The following GZMH variants were observed in gnomAD, a reference collection of about 807,000 sequenced individuals.
GZMH encodes the protein cathepsin G-like 2, protein h-CCPX.
In GZMH, 24 loss-of-function variants were observed where a neutral mutation model predicts 20.7. That is an observed-to-expected ratio of 1.16 (90% CI 0.84 to 1.63). The LOEUF is 1.63. Ranked by LOEUF, GZMH falls within the 40% of genes most tolerant of loss-of-function variation. The probability of loss-of-function intolerance (pLI) is 0.00; values close to 1 mark genes in which losing one functional copy is unlikely to be tolerated. For missense variants in GZMH, 344 were observed against 302.7 expected (o/e 1.14, Z -1.01); for synonymous variants, 119 against 116.1 (o/e 1.02, Z -0.16).
chr14:24,606,637 A>T lies in GZMH; in HGVS notation c.707T>A (p.Leu236Gln). 1.2e-6 allele frequency: 2 copies of T among 1,614,132 alleles called. No individual in the cohort carries two copies. The highest frequency in any genetic ancestry group is 4.5e-5 in the East Asian group (2 of 44,870). The change falls in exon 5 of 5, where the codon CTG (leucine) becomes CAG (glutamine). Residue 236 changes from leucine (L) to glutamine (Q), a missense_variant. By Grantham distance (113) the Leu-to-Gln change is moderately radical. Coordinates refer to ENST00000216338, the MANE Select transcript of GZMH (RefSeq NM_033423.5). The stretch of plus-strand genomic sequence containing the variant: ...CTTCATTGTTCTCTTTATCCAGGGC[A>T]GGAAGTGTGAGACCTTGATGTAGAC... ...PGVYIKVSHF[L>Q]PWIKRTMKRL
Position 24,607,724 on chromosome 14 carries a change from G to T in GZMH, c.227C>A (p.Ala76Asp), listed in dbSNP as rs545036730. Residue 76 changes from alanine to aspartate, a missense_variant, in exon 3 of 5, where the codon GCC becomes GAC. Coordinates refer to ENST00000216338, the MANE Select transcript of GZMH (RefSeq NM_033423.5). Reference sequence around the variant, plus strand: ...CCGCTCCTGTTCCTTGATATTGTGGGCCCCCAAGGTGACATTTATGGAGCT... The same window carrying T: ...CCGCTCCTGTTCCTTGATATTGTGGTCCCCCAAGGTGACATTTATGGAGCT... The part of the protein sequence containing the change: ...QGSSINVTLG[A>D]HNIKEQERTQ... 9.9e-6 allele frequency: 16 copies of T among 1,613,904 alleles called. No individual in the cohort carries two copies. The highest frequency in any genetic ancestry group is 1.4e-5 in the Non-Finnish European group (16 of 1,179,942).
intron 4 of GZMH, 30 bp downstream of exon 4, chr14:24,607,119 G>A (rs200088850): frequency 7.5e-5 from 119 of 1,596,814 alleles, no homozygotes; most frequent in Non-Finnish European, 9.4e-5. Flanking sequence ...TCTCCCTGTG[G>A]TCTTTCTGGG....
rs537798474 is a variant in GZMH, at chr14:24,607,351, C to T, written c.395G>A (p.Ser132Asn). Residue 132 changes from serine (S) to asparagine (N), a missense_variant, in exon 4 of 5, where the codon AGC (serine) becomes AAC (asparagine). Transcript: ENST00000216338. Reference protein sequence around the residue: ...TAVRPLRLPSSKAQVKPGQLC... With the variant: ...TAVRPLRLPSNKAQVKPGQLC... ...CTGCCCTGGCTTCACCTGGGCCTTG[C>T]TGCTAGGTAGCCTGAGAGGCCGCAC... 6.3e-5 allele frequency: 102 copies of T among 1,610,746 alleles called. 1 individual carries two copies. In the South Asian group the frequency reaches 9.5e-4, roughly 15 times the overall value.
In GZMH at chr14:24,606,733, C is replaced by G. The variant is rs767704633; in HGVS notation, c.611G>C (p.Gly204Ala). 1 of 1,613,386 alleles carries G rather than the reference C, an allele frequency of 6.2e-7. No homozygotes were observed. Among genetic ancestry groups the G allele is most frequent in the South Asian group, 1.1e-5 (1 of 91,034 alleles). The change falls in exon 5 of 5, where the codon GGG becomes GCG. Residue 204 changes from glycine (G) to alanine (A), a missense_variant. Physicochemically the swap from Gly to Ala is moderately conservative, Grantham distance 60. Transcript: ENST00000216338. ...TQTGFKGDSGGPLVCKDVAQG... is the reference protein window; with the variant it reads ...TQTGFKGDSGAPLVCKDVAQG... ...GGCTACGTCCTTACACACGAGGGGC[C>G]CCCCGGAGTCCCCCTGTGAACAGAG...
intron 2 of GZMH, among the ~76,000 whole-genome samples, chr14:24,608,049 G>A (rs546392611): frequency 3.3e-5 from 5 of 152,262 alleles, no homozygotes; most frequent in South Asian, 4.2e-4. Flanking sequence ...GTGAAACCAT[G>A]CCACTTGCTC....
chr14:24,607,988 G>A (rs1014628844), intron 2 of GZMH, among the ~76,000 whole-genome samples: 6 of 152,188 alleles, frequency 3.9e-5, no homozygotes, highest in African/African-American at 1.2e-4. Context: ...TTTGCATTTT[G>A]ATCCTTAATG....
At position 24,606,696 on chromosome 14, in the gene GZMH, G is replaced by C; in HGVS notation, c.648C>G (p.Leu216=). ...GTGTCCCTTTTTTGTTTCCATAGGA[G>C]AGAATACCTTGGGCTACGTCCTTAC... ...LVCKDVAQGI[L]SYGNKKGTPP... Residue 216 remains leucine, a synonymous_variant, in exon 5 of 5, where the codon CTC becomes CTG. Coordinates refer to ENST00000216338, the MANE Select transcript of GZMH (RefSeq NM_033423.5). The C allele has an allele frequency of 1.2e-6, 2 of 1,613,738 alleles. No homozygotes were observed.
chr14:24,606,784 C>T (rs373318898), intron 4 of GZMH, 38 bp from the exon 5 acceptor site: 4 of 1,594,302 alleles, frequency 2.5e-6, no homozygotes, highest in Non-Finnish European at 3.4e-6. Context: ...CTAGTGTTCC[C>T]TGGGATGGGT....
Position 24,606,580 on chromosome 14 carries a change from G to A in GZMH, c.*23C>T. 7.5e-6 allele frequency: 12 copies of A among 1,607,096 alleles called. No individual in the cohort carries two copies. The highest frequency in any genetic ancestry group is 1.0e-5 in the Non-Finnish European group (12 of 1,177,298). ...GTCCCAGAGATGGTCAGGCCCAGAG[G>A]AAGGTTAGTCTCATGCCTGCTGTTA... is the stretch of plus-strand genomic sequence containing the variant. On this transcript the variant is annotated 3_prime_UTR_variant, in exon 5 of 5. Coordinates refer to ENST00000216338, the MANE Select transcript of GZMH (RefSeq NM_033423.5).
At position 24,607,144 on chromosome 14, in the gene GZMH, C is replaced by A; in HGVS notation, c.597+5G>T. ...GTCTTTCTGGGTAGAGGCTGGAAAC[C>A]CAACCTTGAAACCGGTCTGTGTCTT... On this transcript the variant is annotated splice_donor_5th_base_variant and intron_variant, in intron 4 of 4. Coordinates refer to ENST00000216338, the MANE Select transcript of GZMH (RefSeq NM_033423.5). 1 of 1,608,950 alleles carries A rather than the reference C, an allele frequency of 6.2e-7. No individual in the cohort carries two copies. The highest frequency in any genetic ancestry group is 8.5e-7 in the Non-Finnish European group (1 of 1,176,366).
chr14:24,607,349 T>A lies in GZMH; in HGVS notation c.397A>T (p.Lys133Ter), dbSNP rs144759599. The change falls in exon 4 of 5, where the codon AAG (lysine) becomes TAG (stop). Residue 133 changes from lysine (K) to a stop codon, truncating the protein, a stop_gained. Coordinates refer to ENST00000216338, the MANE Select transcript of GZMH (RefSeq NM_033423.5). LOFTEE classifies it high-confidence loss of function. ...AVRPLRLPSS[K>*]AQVKPGQLCS... Reference sequence around the variant, plus strand: ...AGCTGCCCTGGCTTCACCTGGGCCTTGCTGCTAGGTAGCCTGAGAGGCCGC... The same window carrying A: ...AGCTGCCCTGGCTTCACCTGGGCCTAGCTGCTAGGTAGCCTGAGAGGCCGC... 3 of 1,610,788 alleles carry A rather than the reference T, an allele frequency of 1.9e-6. No individual in the cohort carries two copies. The African/African-American group carries it at 4.0e-5, about 22-fold the overall frequency.
At position 24,608,321 on chromosome 14, in the gene GZMH, A is replaced by G; in HGVS notation, c.147T>C (p.Cys49=). 1.2e-6 allele frequency: 2 copies of G among 1,614,196 alleles called. No individual in the cohort carries two copies. The highest frequency in any genetic ancestry group is 1.1e-5 in the South Asian group (1 of 91,086). Residue 49 remains cysteine (C), a synonymous_variant, in exon 2 of 5, where the codon TGT becomes TGC. Transcript: ENST00000216338. ...QFLQEKSRKR[C]GGILVRKDFV... is the part of the protein sequence containing the mutation. ...AGTCCTTTCTCACTAGGATGCCGCCACACCTCTTCCGACTCTTCTCTTGCA... is the reference window on the plus strand; with the variant it reads ...AGTCCTTTCTCACTAGGATGCCGCCGCACCTCTTCCGACTCTTCTCTTGCA...
intron 1 of GZMH, among the ~76,000 whole-genome samples, chr14:24,609,327 C>T (rs901388539): frequency 6.6e-6 from 1 of 152,218 alleles, no homozygotes; most frequent in African/African-American, 2.4e-5. Flanking sequence ...GAACAATCCA[C>T]ACTCCAGGTC....
Position 24,606,605 on chromosome 14 carries a change from A to T in GZMH, c.739T>A (p.Ter247LysextTer4). Residue 247 changes from the stop codon to lysine, a stop_lost, in exon 5 of 5, where the codon TAA becomes AAA. Coordinates refer to ENST00000216338, the MANE Select transcript of GZMH (RefSeq NM_033423.5). ...GAAGGTTAGTCTCATGCCTGCTGTT[A>T]GAGGCGCTTCATTGTTCTCTTTATC... ...PWIKRTMKRL[*>K] 1 of 1,612,862 alleles carries T rather than the reference A, an allele frequency of 6.2e-7. No individual in the cohort carries two copies. Among genetic ancestry groups the T allele is most frequent in the South Asian group, 1.1e-5 (1 of 90,894 alleles).
At position 24,608,813 on chromosome 14, in the gene GZMH, T is replaced by C. The variant is rs113927114; in HGVS notation, c.56-401A>G. On this transcript the variant is annotated intron_variant, in intron 1 of 4. Transcript: ENST00000216338. ...ATTTTCTAATGATCTACCCATGAGC[T>C]TCTGGAGTTGGATTTTCTAAAATTC... Among the ~76,000 whole-genome samples the C allele has an allele frequency of 3.8e-3, 578 of 152,368 alleles. 5 individuals carry two copies. Among genetic ancestry groups the C allele is most frequent in the African/African-American group, 0.012 (506 of 41,588 alleles).
At chr14:24,609,526 G>A (rs764758903) in intron 1 of GZMH, 33 bp downstream of exon 1, 2 of 1,522,782 alleles carry the variant, frequency 1.3e-6, no homozygotes, top group Non-Finnish European at 1.8e-6. Flanking sequence ...TATAAGATGG[G>A]TTCAGGCCTC....
At position 24,608,269 on chromosome 14, in the gene GZMH, C is replaced by T; in HGVS notation, c.199G>A (p.Gly67Arg). The T allele has an allele frequency of 1.2e-6, 2 of 1,614,076 alleles. No individual in the cohort carries two copies. Among genetic ancestry groups the T allele is most frequent in the Non-Finnish European group, 1.7e-6 (2 of 1,179,986 alleles). ...TGAGCTGGTGCTGCTCCTTACCTTC[C>T]CTGGCAGTGAGCAGCTGTCAGCACA... Reference protein sequence around the residue: ...DFVLTAAHCQGSSINVTLGAH... With the variant: ...DFVLTAAHCQRSSINVTLGAH... Residue 67 changes from glycine (G) to arginine (R), a missense_variant, in exon 2 of 5, where the codon GGA becomes AGA. Gly to Arg is a moderately radical substitution (Grantham distance 125). Coordinates refer to ENST00000216338, the MANE Select transcript of GZMH (RefSeq NM_033423.5).
chr14:24,607,053 G>T, intron 4 of GZMH, 96 bp downstream of exon 4: 1 of 1,309,028 alleles, frequency 7.6e-7, no homozygotes, highest in Non-Finnish European at 1.1e-6. Flanking sequence ...CAAGCTCTGG[G>T]CTGAGAGCAT....
intron 1 of GZMH, among the ~76,000 whole-genome samples, chr14:24,609,244 T>A (rs941678847): frequency 6.6e-6 from 1 of 152,194 alleles, no homozygotes; most frequent in Non-Finnish European, 1.5e-5. Flanking sequence ...AGCTCCTCTT[T>A]CCTGGGTTGG....
Sources: gnomAD v4.1 joint callset for allele counts (sites outside exome capture counted in the v4.1 genomes callset) on GRCh38, gnomAD v4.1.1 for gene constraint, MANE v1.5 for transcripts, NCBI Gene and HGNC (gene_info 2026-07-23, HGNC 2026-07-21) for gene names.